Variants in DDX27 observed in about 807,000 individuals in gnomAD.
DDX27 encodes the protein probable ATP-dependent RNA helicase DDX27.
DDX27 carries 42 observed loss-of-function variants against 99.3 expected under a neutral mutation model. That is an observed-to-expected ratio of 0.42 (90% CI 0.33 to 0.55). The LOEUF (loss-of-function observed/expected upper bound fraction) is 0.55, where lower values mean the gene tolerates loss of function less well. Ranked by LOEUF, DDX27 falls within the 20% of genes least tolerant of loss-of-function variation. The pLI is 0.07. For missense variants in DDX27, 798 were observed against 976.8 expected, an observed-to-expected ratio of 0.82 and a Z score of 2.44; for synonymous variants, 329 against 353.8, an observed-to-expected ratio of 0.93 and a Z score of 0.79.
chr20:49,236,991 G>A lies in DDX27; in HGVS notation c.1687+481G>A, dbSNP rs1057265017. The stretch of plus-strand genomic sequence containing the variant: ...GCCTCCCAAAGTGCCGGGATTAACA[G>A]TAATGAGCCACCATGCCCAGCCTTA... On this transcript the variant is annotated intron_variant, in intron 14 of 20. Coordinates refer to ENST00000618172, the MANE Select transcript of DDX27 (RefSeq NM_017895.8). This position sits in a 1 kb window ranked among gnomAD's most constrained non-coding sequence, Gnocchi z 4.1. Among the ~76,000 whole-genome samples, 1 of 152,128 alleles carries A rather than the reference G, an allele frequency of 6.6e-6. No individual in the cohort carries two copies. Among genetic ancestry groups the A allele is most frequent in the African/African-American group, 2.4e-5 (1 of 41,432 alleles).
At chr20:49,227,744 A>G (rs192291047) in intron 7 of DDX27, among the ~76,000 whole-genome samples, 190 of 152,232 alleles carry the variant, frequency 1.2e-3, no homozygotes, top group African/African-American at 4.4e-3. Context: ...CAAGTTTCAA[A>G]GGGTCTGATG....
Position 49,226,450 on chromosome 20 carries a change from C to G in DDX27, c.621C>G (p.Phe207Leu), listed in dbSNP as rs1192299138. The G allele has an allele frequency of 6.2e-7, 1 of 1,613,850 alleles. No homozygotes were observed. The highest frequency in any genetic ancestry group is 2.2e-5 in the East Asian group (1 of 44,878). Residue 207 changes from phenylalanine to leucine, a missense_variant, in exon 7 of 21, where the codon TTC becomes TTG. Physicochemically the swap from Phe to Leu is conservative, Grantham distance 22. Coordinates refer to ENST00000618172, the MANE Select transcript of DDX27 (RefSeq NM_017895.8). ...PLLKAITAMG[F>L]KQPTPIQKAC... ...CTCAGGCCATTACAGCCATGGGCTT[C>G]AAGCAGCCCACCCCGATCCAGAAGG...
chr20:49,229,650 CTT>C (rs71186442), intron 8 of DDX27, among the ~76,000 whole-genome samples: 137 of 134,290 alleles, frequency 1.0e-3, no homozygotes, highest in Non-Finnish European at 1.7e-3. Context: ...CAGGCATTCT[CTT>C]TTTTTTTTTT....
intron 4 of DDX27, 47 bp from the exon 5 acceptor site, chr20:49,224,898 G>A (rs777686191): frequency 6.2e-7 from 1 of 1,608,916 alleles, no homozygotes. Context: ...GGATGCAAGT[G>A]CTTTGTAAGT....
chr20:49,239,288 A>T lies in DDX27; in HGVS notation c.1847A>T (p.Glu616Val). 6.2e-7 allele frequency: 1 copy of T among 1,614,094 alleles called. No individual in the cohort carries two copies. The highest frequency in any genetic ancestry group is 8.5e-7 in the Non-Finnish European group (1 of 1,179,974). ...AAGGGGAAGGAGGCAGTGGTCCAAG[A>T]GCCCGAGAGGAGCTGGTTCCAGACC... ...LEKGKEAVVQ[E>V]PERSWFQTKE... Residue 616 changes from glutamate (E) to valine (V), a missense_variant, in exon 16 of 21, where the codon GAG (glutamate) becomes GTG (valine). Transcript: ENST00000618172.
At chr20:49,225,698 G>T (rs372420327) in intron 6 of DDX27, among the ~76,000 whole-genome samples, 7 of 151,502 alleles carry the variant, frequency 4.6e-5, no homozygotes, top group Admixed American at 3.9e-4. Context: ...CTCGTGATCC[G>T]CCCGCCTCAG....
chr20:49,235,283 A>G, intron 12 of DDX27, 195 bp downstream of exon 12: 1 of 530,838 alleles, frequency 1.9e-6, no homozygotes, highest in Non-Finnish European at 3.1e-6. Context: ...TCATAGTCAG[A>G]GATGACCCTC....
In DDX27 at chr20:49,236,485, T is replaced by C; in HGVS notation, c.1662T>C (p.Pro554=). Residue 554 remains proline (P), a synonymous_variant, in exon 14 of 21, where the codon CCT becomes CCC. Transcript: ENST00000618172. This position sits in a 1 kb window ranked among gnomAD's most constrained non-coding sequence, Gnocchi z 4.1. ...LKEIVKAAKA[P]VKARILPQDV... Reference sequence around the variant, plus strand: ...AGATTGTAAAAGCTGCCAAGGCCCCTGTGAAGGCCAGGATACTTCCCCAAG... The same window carrying C: ...AGATTGTAAAAGCTGCCAAGGCCCCCGTGAAGGCCAGGATACTTCCCCAAG... 1 of 1,605,208 alleles carries C rather than the reference T, an allele frequency of 6.2e-7. No homozygotes were observed. The highest frequency in any genetic ancestry group is 1.7e-5 in the Admixed American group (1 of 58,694).
intron 16 of DDX27, among the ~76,000 whole-genome samples, chr20:49,241,289 T>G (rs78530072): frequency 0.015 from 2,321 of 152,274 alleles, 59 homozygotes; most frequent in South Asian, 0.07. Flanking sequence ...TGTATATAAC[T>G]TAAATTTCTG....
intron 16 of DDX27, among the ~76,000 whole-genome samples, chr20:49,241,110 C>T (rs189925356): frequency 7.6e-4 from 115 of 152,286 alleles, no homozygotes; most frequent in African/African-American, 2.5e-3. Flanking sequence ...TGCCCTTTTA[C>T]AATTAAGCAA....
intron 2 of DDX27, 81 bp downstream of exon 2, chr20:49,221,679 G>A: frequency 3.1e-6 from 4 of 1,277,958 alleles, no homozygotes; most frequent in Non-Finnish European, 4.2e-6. Context: ...GCCCTGACCT[G>A]ACTGACCATC....
At chr20:49,223,572 C>CTT (rs375594056) in intron 4 of DDX27, 139 bp downstream of exon 4, 1,078 of 438,306 alleles carry the variant, frequency 2.5e-3, no homozygotes, top group Middle Eastern at 5.0e-3. Context: ...TCCTTTCTTT[C>CTT]TTTTTTTTTT....
At chr20:49,220,997 G>A (rs1308799648) in intron 1 of DDX27, among the ~76,000 whole-genome samples, 1 of 151,812 alleles carries the variant, frequency 6.6e-6, no homozygotes, top group African/African-American at 2.4e-5. Flanking sequence ...AGTCTTGCTC[G>A]GTCGCCCAGG....
At position 49,222,964 on chromosome 20, in the gene DDX27, C is replaced by T. The variant is rs112991212; in HGVS notation, c.248C>T (p.Ala83Val). The T allele has an allele frequency of 3.7e-6, 6 of 1,611,524 alleles. No individual in the cohort carries two copies. The African/African-American group carries it at 4.0e-5, about 11-fold the overall frequency. ...VMSQLKKKRAATTLDEKIEKV... is the reference protein window; with the variant it reads ...VMSQLKKKRAVTTLDEKIEKV... Reference sequence around the variant, plus strand: ...CTTTATTTTTATCTGCAGAGGGCAGCCACTACATTAGATGAGAAGATTGAG... The same window carrying T: ...CTTTATTTTTATCTGCAGAGGGCAGTCACTACATTAGATGAGAAGATTGAG... Residue 83 changes from alanine (A) to valine (V), a missense_variant, in exon 3 of 21, where the codon GCC (alanine) becomes GTC (valine). Physicochemically the swap from Ala to Val is moderately conservative, Grantham distance 64. Coordinates refer to ENST00000618172, the MANE Select transcript of DDX27 (RefSeq NM_017895.8).
Position 49,225,104 on chromosome 20 carries a change from C to G in DDX27, c.514-9C>G. ...GAATTCTCTTCTCTCTTTTGGTTTT[C>G]TGGTGTAGGAAGCAGGAGGATTTTT... On this transcript the variant is annotated splice_polypyrimidine_tract_variant and intron_variant, in intron 5 of 20. Coordinates refer to ENST00000618172, the MANE Select transcript of DDX27 (RefSeq NM_017895.8). 6.2e-7 allele frequency: 1 copy of G among 1,613,194 alleles called. No individual in the cohort carries two copies. Among genetic ancestry groups the G allele is most frequent in the Non-Finnish European group, 8.5e-7 (1 of 1,179,426 alleles).
Position 49,230,159 on chromosome 20 carries a change from G to A in DDX27, c.881-40G>A, listed in dbSNP as rs142656953. The A allele has an allele frequency of 9.9e-4, 1,568 of 1,578,136 alleles. 16 individuals are homozygous for A. The African/African-American group carries it at 0.017, about 18-fold the overall frequency. On this transcript the variant is annotated intron_variant, in intron 8 of 20. Transcript: ENST00000618172. Reference sequence around the variant, plus strand: ...GGTGCTCAGTCAACACCCATGAGCAGCTGACCTGGCCGCCTGGTGGGGCTC... The same window carrying A: ...GGTGCTCAGTCAACACCCATGAGCAACTGACCTGGCCGCCTGGTGGGGCTC...
intron 9 of DDX27, 54 bp from the exon 10 acceptor site, chr20:49,233,249 CTCA>C (rs138055202): frequency 0.021 from 28,018 of 1,343,184 alleles, 655 homozygotes; most frequent in East Asian, 0.09. Flanking sequence ...TCCCGTGTCC[CTCA>C]CTGTGACCGA....
At chr20:49,219,813 CGGCAGGTTTCTTACACCTTGTAAGAGGT>C (rs1346402549) in intron 1 of DDX27, among the ~76,000 whole-genome samples, 1 of 151,836 alleles carries the variant, frequency 6.6e-6, no homozygotes, top group African/African-American at 2.4e-5. Flanking sequence ...GTGTAAGAGA[CGGCAGGTTTCTTACACCTTGTAAGAGGT>C]GAAGTCAGCC....
At chr20:49,222,319 G>T (rs118151326) in intron 2 of DDX27, among the ~76,000 whole-genome samples, 19,625 of 149,466 alleles carry the variant, frequency 0.13, 1,486 homozygotes, top group South Asian at 0.2. Context: ...GTTTTTTTTT[G>T]TTGTTTTTGA....
Sources: gnomAD v4.1 joint callset for allele counts (sites outside exome capture counted in the v4.1 genomes callset) on GRCh38, gnomAD v4.1.1 for gene constraint, Gnocchi (gnomAD v3.1) non-coding constraint, MANE v1.5 for transcripts, NCBI Gene and HGNC (gene_info 2026-07-23, HGNC 2026-07-21) for gene names.